Variants in ADAMTS12 observed in about 807,000 individuals in gnomAD.
The protein encoded by ADAMTS12 is A disintegrin and metalloproteinase with thrombospondin motifs 12.
A neutral mutation model predicts 167.8 loss-of-function variants in ADAMTS12; 118 were observed. The observed-to-expected ratio is 0.70, with a 90% CI of 0.61 to 0.82. The LOEUF (loss-of-function observed/expected upper bound fraction) is 0.82. ADAMTS12 is among the 40% of genes least tolerant of loss of function. ADAMTS12 has a pLI of 0.00. For synonymous variants in ADAMTS12, 704 were observed against 716.9 expected (o/e 0.98, Z 0.29); for missense variants, 1,916 against 1,998.8 (o/e 0.96, Z 0.79).
At chr5:33,849,709 ATAG>A (rs1749144076) in intron 2 of ADAMTS12, among the ~76,000 whole-genome samples, 1 of 145,674 alleles carries the variant, frequency 6.9e-6, no homozygotes. Context: ...TATGTATTGC[ATAG>A]CAATATATAG....
chr5:33,538,399 C>CCT (rs1744518476), intron 22 of ADAMTS12, among the ~76,000 whole-genome samples: 1 of 152,184 alleles, frequency 6.6e-6, no homozygotes, highest in African/African-American at 2.4e-5. Context: ...GAATTACAAT[C>CCT]CAAGATGAGA....
chr5:33,620,851 T>G (rs999039954), intron 14 of ADAMTS12, among the ~76,000 whole-genome samples: 1 of 152,232 alleles, frequency 6.6e-6, no homozygotes, highest in African/African-American at 2.4e-5. Flanking sequence ...CATTTTTCAA[T>G]GTATTTATTG....
intron 2 of ADAMTS12, among the ~76,000 whole-genome samples, chr5:33,867,012 G>A (rs765156136): frequency 7.2e-5 from 11 of 152,242 alleles, no homozygotes; most frequent in South Asian, 4.2e-4. Context: ...CTGCTGGTGG[G>A]AATGTAAATT....
intron 5 of ADAMTS12, among the ~76,000 whole-genome samples, chr5:33,664,307 AG>A (rs1741388612): frequency 6.6e-6 from 1 of 152,224 alleles, no homozygotes; most frequent in Admixed American, 6.5e-5. Flanking sequence ...AGTGTGCTAT[AG>A]GTGCAGGGAT....
intron 2 of ADAMTS12, among the ~76,000 whole-genome samples, chr5:33,877,936 G>A (rs1023131137): frequency 1.3e-5 from 2 of 152,098 alleles, no homozygotes; most frequent in Non-Finnish European, 2.9e-5. Flanking sequence ...GGAATGACAG[G>A]CAGACGTCCT....
At chr5:33,585,544 G>A (rs1747303134) in intron 18 of ADAMTS12, among the ~76,000 whole-genome samples, 1 of 152,220 alleles carries the variant, frequency 6.6e-6, no homozygotes, top group South Asian at 2.1e-4. Flanking sequence ...TGCTCTAGGG[G>A]CTGTGCCCTT....
chr5:33,641,536 A>T (rs1179462500), intron 11 of ADAMTS12, among the ~76,000 whole-genome samples: 1 of 152,240 alleles, frequency 6.6e-6, no homozygotes, highest in Non-Finnish European at 1.5e-5. Context: ...TTGCACATTT[A>T]AAAGAAATTT....
chr5:33,536,195 G>A (rs998999861), intron 22 of ADAMTS12, among the ~76,000 whole-genome samples: 8 of 152,028 alleles, frequency 5.3e-5, no homozygotes, highest in East Asian at 1.9e-4. Context: ...GAAAGGCAGC[G>A]GCACAATCTC....
intron 2 of ADAMTS12, among the ~76,000 whole-genome samples, chr5:33,777,706 G>A (rs55980087): frequency 0.15 from 23,476 of 151,708 alleles, 2,141 homozygotes; most frequent in East Asian, 0.41. Context: ...GAAATAAGAG[G>A]CATCCAAATT....
In ADAMTS12 at chr5:33,803,546, A is replaced by G. The variant is rs116447961; in HGVS notation, c.490-51998T>C. ...TCATGTTCTCCAATGGCAGCAAAGT[A>G]CAATGATCTCTATGATTCATGGGAG... On this transcript the variant is annotated intron_variant, in intron 2 of 23. Transcript: ENST00000504830. Among the ~76,000 whole-genome samples the G allele has an allele frequency of 6.2e-3, 938 of 152,326 alleles. 9 individuals are homozygous for G. The highest frequency in any genetic ancestry group is 0.021 in the African/African-American group (884 of 41,578).
intron 23 of ADAMTS12, among the ~76,000 whole-genome samples, chr5:33,529,334 G>A (rs1046867652): frequency 6.6e-5 from 10 of 152,146 alleles, no homozygotes; most frequent in South Asian, 2.1e-4. Context: ...ACATTTGTAC[G>A]GGTGGTTCTC....
intron 1 of ADAMTS12, among the ~76,000 whole-genome samples, chr5:33,889,889 T>C (rs995189994): frequency 6.6e-6 from 1 of 152,056 alleles, no homozygotes; most frequent in Non-Finnish European, 1.5e-5. Context: ...GAGGCAGAGG[T>C]TGCAGTGAGC....
chr5:33,884,554 G>T (rs1750571336), intron 1 of ADAMTS12, among the ~76,000 whole-genome samples: 1 of 152,132 alleles, frequency 6.6e-6, no homozygotes, highest in Admixed American at 6.5e-5. Flanking sequence ...CACTTGCCTT[G>T]AGTTGGGGCA....
chr5:33,662,784 AGTGGCTCCG>A (rs1298907676), intron 5 of ADAMTS12, among the ~76,000 whole-genome samples: 1 of 152,222 alleles, frequency 6.6e-6, no homozygotes, highest in Non-Finnish European at 1.5e-5. Flanking sequence ...TCAGCTCTTT[AGTGGCTCCG>A]GTTTAATTTG....
intron 19 of ADAMTS12, among the ~76,000 whole-genome samples, chr5:33,570,895 G>A (rs1180142766): frequency 6.0e-5 from 9 of 151,232 alleles, no homozygotes; most frequent in African/African-American, 2.0e-4. Context: ...TAAAAGGATG[G>A]AGGAAGATCT....
chr5:33,804,237 T>C (rs1747132183), intron 2 of ADAMTS12, among the ~76,000 whole-genome samples: 2 of 152,202 alleles, frequency 1.3e-5, no homozygotes, highest in South Asian at 2.1e-4. Flanking sequence ...TCTTCATATA[T>C]AGAGTTCCCT....
chr5:33,594,284 G>A (rs1175782220), intron 17 of ADAMTS12, among the ~76,000 whole-genome samples: 2 of 152,264 alleles, frequency 1.3e-5, no homozygotes, highest in African/African-American at 4.8e-5. Flanking sequence ...CTTCTGCCAC[G>A]ATTGTGAGGC....
intron 20 of ADAMTS12, among the ~76,000 whole-genome samples, chr5:33,552,846 A>C (rs1745312450): frequency 6.6e-6 from 1 of 152,204 alleles, no homozygotes. Flanking sequence ...TAGAAGCAAA[A>C]ATTGACAAAT....
In ADAMTS12 at chr5:33,546,183, C is replaced by G. The variant is rs754072330; in HGVS notation, c.4322G>C (p.Gly1441Ala). 6.2e-7 allele frequency: 1 copy of G among 1,613,290 alleles called. No individual in the cohort carries two copies. The highest frequency in any genetic ancestry group is 8.5e-7 in the Non-Finnish European group (1 of 1,179,782). ...GAACACTCCTCTCTCCTGAACTCCACCTCCACAGGACCTGGAGCACTGATA... is the reference window on the plus strand; with the variant it reads ...GAACACTCCTCTCTCCTGAACTCCAGCTCCACAGGACCTGGAGCACTGATA... ...PWSQCSRSCG[G>A]GVQERGVFCP... Residue 1441 changes from glycine (G) to alanine (A), a missense_variant, in exon 22 of 24, where the codon GGT becomes GCT. Physicochemically the swap from Gly to Ala is moderately conservative, Grantham distance 60 (BLOSUM62 0). Coordinates refer to ENST00000504830, the MANE Select transcript of ADAMTS12 (RefSeq NM_030955.4).
Sources: gnomAD v4.1 joint callset for allele counts (sites outside exome capture counted in the v4.1 genomes callset) on GRCh38, gnomAD v4.1.1 for gene constraint, MANE v1.5 for transcripts, NCBI Gene and HGNC (gene_info 2026-07-23, HGNC 2026-07-21) for gene names.